Variants in VWA8 observed in about 807,000 individuals in gnomAD.
The protein encoded by VWA8 is von Willebrand factor A domain containing 8, also known as von Willebrand factor A domain-containing protein 8.
In VWA8, 221 loss-of-function variants were observed where a neutral mutation model predicts 241.5. The observed-to-expected ratio is 0.91, with a 90% CI of 0.82 to 1.02. VWA8 has a LOEUF of 1.02. VWA8 is among the 50% of genes least tolerant of loss of function. The pLI is 0.00. For missense variants in VWA8, 2,322 were observed against 2,328.7 expected, an observed-to-expected ratio of 1.00 and a Z score of 0.06; for synonymous variants, 852 against 827.1, an observed-to-expected ratio of 1.03 and a Z score of -0.52.
intron 2 of VWA8, among the ~76,000 whole-genome samples, chr13:41,942,085 G>A (rs1053684778): frequency 2.0e-5 from 3 of 152,128 alleles, no homozygotes; most frequent in Admixed American, 2.0e-4. Flanking sequence ...ATTATCATGT[G>A]CCCATGGCAT....
At chr13:41,927,902 GAAGAT>G (rs1876925317) in intron 2 of VWA8, among the ~76,000 whole-genome samples, 1 of 152,138 alleles carries the variant, frequency 6.6e-6, no homozygotes, top group South Asian at 2.1e-4. Flanking sequence ...AGGGATGGAA[GAAGAT>G]AAGATATTCT....
chr13:41,633,759 A>G (rs2044739836), intron 37 of VWA8, among the ~76,000 whole-genome samples: 1 of 152,132 alleles, frequency 6.6e-6, no homozygotes, highest in Admixed American at 6.6e-5. Context: ...AATTCACATA[A>G]TGACTGTAAT....
chr13:41,847,660 C>G (rs1872348535), intron 12 of VWA8, among the ~76,000 whole-genome samples: 1 of 152,116 alleles, frequency 6.6e-6, no homozygotes, highest in Non-Finnish European at 1.5e-5. Flanking sequence ...GGTGGTAGAG[C>G]CTGGACACTG....
At chr13:41,912,790 A>G (rs1192727700) in intron 2 of VWA8, among the ~76,000 whole-genome samples, 1 of 152,168 alleles carries the variant, frequency 6.6e-6, no homozygotes, top group Non-Finnish European at 1.5e-5. Flanking sequence ...ATAGAAGACC[A>G]CCCCATGCAA....
In VWA8 at chr13:41,721,530, G is replaced by A. The variant is rs776493606; in HGVS notation, c.2804C>T (p.Ser935Leu). The A allele has an allele frequency of 2.7e-5, 43 of 1,613,638 alleles. No individual in the cohort carries two copies. The highest frequency in any genetic ancestry group is 3.5e-5 in the Non-Finnish European group (41 of 1,179,800). ...ATACTGTCTGAGCATCTCGAGCTCCGAGTGGGGTTTGGGGTTATCAACTGC... is the reference window on the plus strand; with the variant it reads ...ATACTGTCTGAGCATCTCGAGCTCCAAGTGGGGTTTGGGGTTATCAACTGC... ...CHAVDNPKPHSELEMLRQYGP... is the reference protein window; with the variant it reads ...CHAVDNPKPHLELEMLRQYGP... Residue 935 changes from serine (S) to leucine (L), a missense_variant, in exon 25 of 45, where the codon TCG becomes TTG. Ser to Leu is a moderately radical substitution (Grantham distance 145, BLOSUM62 -2). Transcript: ENST00000379310.
At chr13:41,848,235 G>C (rs1198079619) in intron 12 of VWA8, among the ~76,000 whole-genome samples, 2 of 152,152 alleles carry the variant, frequency 1.3e-5, no homozygotes, top group Non-Finnish European at 2.9e-5. Context: ...CTGTGCAGCA[G>C]GAAGCCAAAC....
chr13:41,805,497 C>T (rs1426818126), intron 17 of VWA8, among the ~76,000 whole-genome samples: 2 of 152,060 alleles, frequency 1.3e-5, no homozygotes, highest in East Asian at 3.8e-4. Context: ...GGACAGATCA[C>T]CCAGACAGAA....
Position 41,590,663 on chromosome 13 carries a change from G to C in VWA8, c.5089C>G (p.Arg1697Gly). ...ACTTGTGGCTCCAGCTCACCCCGAC[G>C]TTTGTAGATGGCTTTTTCTCCAGTC... ...GLTGEKAIYK[R>G]RGELEPQLGS... Residue 1697 changes from arginine (R) to glycine (G), a missense_variant, in exon 41 of 45, where the codon CGT becomes GGT. Coordinates refer to ENST00000379310, the MANE Select transcript of VWA8 (RefSeq NM_015058.2). 6.2e-7 allele frequency: 1 copy of C among 1,613,964 alleles called. No homozygotes were observed. The highest frequency in any genetic ancestry group is 8.5e-7 in the Non-Finnish European group (1 of 1,179,968).
chr13:41,784,737 C>CATATATATATATATATATATATAT (rs772223346), intron 18 of VWA8, among the ~76,000 whole-genome samples: 2 of 72,562 alleles, frequency 2.8e-5, no homozygotes, highest in African/African-American at 9.0e-5. Context: ...TATACACACA[C>CATATATATATATATATATATATAT]ATATATATAT....
At chr13:41,659,393 T>C (rs747408381) in intron 37 of VWA8, among the ~76,000 whole-genome samples, 13 of 152,256 alleles carry the variant, frequency 8.5e-5, no homozygotes, top group Non-Finnish European at 1.6e-4. Context: ...GTTTTTATAA[T>C]AATTAAATGA....
intron 13 of VWA8, among the ~76,000 whole-genome samples, chr13:41,832,391 G>C (rs551594268): frequency 1.7e-4 from 26 of 152,284 alleles, no homozygotes; most frequent in Admixed American, 2.6e-4. Flanking sequence ...AATAAAATGG[G>C]ACTATTACCG....
chr13:41,637,706 T>C (rs148308921), intron 37 of VWA8, among the ~76,000 whole-genome samples: 99 of 152,294 alleles, frequency 6.5e-4, no homozygotes, highest in African/African-American at 2.2e-3. Context: ...TCCAACTCAA[T>C]CTTTAAGTAT....
rs9525546 is a variant in VWA8 at position 41,866,377 on chromosome 13, G to A, written c.1213-341C>T. On this transcript the variant is annotated intron_variant, in intron 10 of 44. Transcript: ENST00000379310. ...AAAAAAAATATATATATATATATAT[G>A]TGTGTGTGTGTGCGCGTGTGTGTGT... Among the ~76,000 whole-genome samples, 544 of 147,434 alleles carry A rather than the reference G, an allele frequency of 3.7e-3. 4 individuals are homozygous for A. Among genetic ancestry groups the A allele is most frequent in the African/African-American group, 0.013 (510 of 39,836 alleles).
chr13:41,633,210 T>C (rs1382043209), intron 37 of VWA8, among the ~76,000 whole-genome samples: 1 of 152,190 alleles, frequency 6.6e-6, no homozygotes, highest in African/African-American at 2.4e-5. Flanking sequence ...ATAAATAGCA[T>C]TGCAATGAAT....
intron 2 of VWA8, among the ~76,000 whole-genome samples, chr13:41,921,839 C>T (rs754543633): frequency 6.4e-4 from 97 of 152,126 alleles, no homozygotes; most frequent in Non-Finnish European, 1.2e-3. Context: ...GAATCAGTAT[C>T]GTGAAAATGG....
intron 21 of VWA8, among the ~76,000 whole-genome samples, chr13:41,745,141 T>C (rs994178575): frequency 6.8e-6 from 1 of 147,476 alleles, no homozygotes; most frequent in African/African-American, 2.5e-5. Flanking sequence ...ACCTGGCCTA[T>C]TTTTTTTTTT....
intron 29 of VWA8, chr13:41,696,078 C>T (rs1348202228): frequency 3.9e-5 from 6 of 151,946 alleles, no homozygotes; most frequent in Non-Finnish European, 7.4e-5. Flanking sequence ...CCTTTTATGA[C>T]ACATTGTTTT....
At chr13:41,772,563 A>G (rs543813747) in intron 20 of VWA8, among the ~76,000 whole-genome samples, 8 of 152,340 alleles carry the variant, frequency 5.3e-5, no homozygotes, top group African/African-American at 1.7e-4. Context: ...AAGTGGTTCT[A>G]TAATATTCAG....
At chr13:41,593,611 C>T (rs1194404052) in intron 40 of VWA8, among the ~76,000 whole-genome samples, 1 of 152,176 alleles carries the variant, frequency 6.6e-6, no homozygotes, top group Non-Finnish European at 1.5e-5. Context: ...TTTCTGTTCT[C>T]TAGTGTGGAT....
Sources: allele counts gnomAD v4.1 joint callset (sites outside exome capture counted in the v4.1 genomes callset), GRCh38; gene constraint gnomAD v4.1.1; transcripts MANE v1.5; gene names NCBI Gene and HGNC (gene_info 2026-07-23, HGNC 2026-07-21).